The following VPS33B variants were observed in gnomAD, a reference collection of about 807,000 sequenced individuals.
VPS33B encodes vacuolar protein sorting-associated protein 33B.
In VPS33B, 80 loss-of-function variants were observed where a neutral mutation model predicts 95.3. The observed-to-expected ratio is 0.84, with a 90% CI of 0.70 to 1.01. The LOEUF (loss-of-function observed/expected upper bound fraction) is 1.01. Ranked by LOEUF, VPS33B falls within the 50% of genes least tolerant of loss-of-function variation. The pLI is 0.00. For synonymous variants in VPS33B, 280 were observed against 280.4 expected, an observed-to-expected ratio of 1.00 and a Z score of 0.01; for missense variants, 715 against 773.4, an observed-to-expected ratio of 0.92 and a Z score of 0.90.
chr15:90,999,016 T>C lies in VPS33B; in HGVS notation c.1813A>G (p.Ser605Gly), dbSNP rs936302406. 6.2e-7 allele frequency: 1 copy of C among 1,614,058 alleles called. No individual in the cohort carries two copies. The highest frequency in any genetic ancestry group is 8.5e-7 in the Non-Finnish European group (1 of 1,180,040). Residue 605 changes from serine to glycine, a missense_variant, in exon 23 of 23, where the codon AGC becomes GGC. Ser to Gly is a moderately conservative substitution (Grantham distance 56). Coordinates refer to ENST00000333371, the MANE Select transcript of VPS33B (RefSeq NM_018668.5). This position sits in a 1 kb window ranked among gnomAD's most constrained non-coding sequence, Gnocchi z 5.1. Reference sequence around the variant, plus strand: ...CTCATGGCCTCCATAAGGCGAGCGCTGTTTGTGACTGCTGTCGTCAGGAAA... The same window carrying C: ...CTCATGGCCTCCATAAGGCGAGCGCCGTTTGTGACTGCTGTCGTCAGGAAA... ...FIFLTTAVTNSARLMEAMSEV... is the reference protein window; with the variant it reads ...FIFLTTAVTNGARLMEAMSEV...
intron 1 of VPS33B, among the ~76,000 whole-genome samples, chr15:91,021,413 A>G (rs1596375007): frequency 6.6e-6 from 1 of 152,230 alleles, no homozygotes; most frequent in African/African-American, 2.4e-5. Context: ...TAACTTAAAA[A>G]TCCATCACTT....
rs1322186330 is a variant in VPS33B, at chr15:91,009,365, G to GAA, written c.403+435_403+436insTT. Among the ~76,000 whole-genome samples, 6 of 150,764 alleles carry GAA rather than the reference G, an allele frequency of 4.0e-5. No homozygotes were observed. Among genetic ancestry groups the GAA allele is most frequent in the African/African-American group, 1.5e-4 (6 of 40,908 alleles). On this transcript the variant is annotated intron_variant, in intron 6 of 22. Coordinates refer to ENST00000333371, the MANE Select transcript of VPS33B (RefSeq NM_018668.5). This position sits in a 1 kb window ranked among gnomAD's most constrained non-coding sequence, Gnocchi z 4.1. ...CTTGTTGCCCAGGCTGGAGTGCAATGGCGTGATCTCGGCTCACTGCAACCT... is the reference window on the plus strand; with the variant it reads ...CTTGTTGCCCAGGCTGGAGTGCAATGAAGCGTGATCTCGGCTCACTGCAACCT...
intron 3 of VPS33B, among the ~76,000 whole-genome samples, chr15:91,016,327 A>C (rs931080385): frequency 2.6e-5 from 4 of 152,042 alleles, no homozygotes; most frequent in Non-Finnish European, 5.9e-5. Context: ...TCTATGACAA[A>C]TAATGTGGAC....
In VPS33B at chr15:91,017,840, G is replaced by C; in HGVS notation, c.142C>G (p.Pro48Ala). ...GAGACATTGGCAATTCGATCCAAAG[G>C]GCTCATGAGATCTGCCTCAATGAAT... ...DLFIEADLMS[P>A]LDRIANVSIL... is the part of the protein sequence containing the mutation. Residue 48 changes from proline to alanine, a missense_variant, in exon 2 of 23, where the codon CCT becomes GCT. Coordinates refer to ENST00000333371, the MANE Select transcript of VPS33B (RefSeq NM_018668.5). The C allele has an allele frequency of 6.2e-7, 1 of 1,614,108 alleles. No homozygotes were observed.
At position 91,005,668 on chromosome 15, in the gene VPS33B, C is replaced by T. The variant is rs771997647; in HGVS notation, c.1030+26G>A. 1.2e-5 allele frequency: 19 copies of T among 1,613,710 alleles called. No homozygotes were observed. The highest frequency in any genetic ancestry group is 2.7e-5 in the African/African-American group (2 of 74,890). ...CCCCAGAGGGACACAGTCACTTCCC[C>T]TCACGCCCCTCAAGCTGAAACCTAC... On this transcript the variant is annotated intron_variant, in intron 13 of 22. Transcript: ENST00000333371. The surrounding 1 kb of genome is among the most constrained non-coding windows in gnomAD (Gnocchi z 6.4).
rs2041123931 is a variant in VPS33B, at chr15:91,022,189, G to C, written c.61C>G (p.Leu21Val). ...ELPDFSMLKR[L>V]ARDQLIYLLE... ...AGATAGATGAGCTGGTCTCGAGCCA[G>C]CCTCTTCAGCATGGAGAAGTCAGGC... The change falls in exon 1 of 23, where the codon CTG becomes GTG. Residue 21 changes from leucine (L) to valine (V), a missense_variant. Physicochemically the swap from Leu to Val is conservative, Grantham distance 32. Transcript: ENST00000333371. 2 of 1,582,184 alleles carry C rather than the reference G, an allele frequency of 1.3e-6. No homozygotes were observed. Among genetic ancestry groups the C allele is most frequent in the East Asian group, 2.3e-5 (1 of 43,400 alleles).
chr15:91,005,651 G>C lies in VPS33B; in HGVS notation c.1030+43C>G. 6.2e-7 allele frequency: 1 copy of C among 1,610,888 alleles called. No homozygotes were observed. Among genetic ancestry groups the C allele is most frequent in the Non-Finnish European group, 8.5e-7 (1 of 1,177,134 alleles). On this transcript the variant is annotated intron_variant, in intron 13 of 22. Coordinates refer to ENST00000333371, the MANE Select transcript of VPS33B (RefSeq NM_018668.5). The surrounding 1 kb of genome is among the most constrained non-coding windows in gnomAD (Gnocchi z 6.4). ...TGGTCCTCTGGAGCTTTCCCCAGAG[G>C]GACACAGTCACTTCCCCTCACGCCC...
chr15:91,017,365 T>TTAAAA lies in VPS33B; in HGVS notation c.178-342_178-341insTTTTA, dbSNP rs1555460460. Among the ~76,000 whole-genome samples, 15 of 16,996 alleles carry TTAAAA rather than the reference T, an allele frequency of 8.8e-4. 1 individual carries two copies. Among genetic ancestry groups the TTAAAA allele is most frequent in the East Asian group, 4.8e-3 (2 of 420 alleles). The allele number at this position is 16,996 out of a possible 152,430, so 11.2% of individuals were successfully genotyped here. On this transcript the variant is annotated intron_variant, in intron 2 of 22. Transcript: ENST00000333371. ...TAACAAGACTCCATCTCTACAAAAT[T>TTAAAA]AAATATATATATATATATATATATA...
intron 1 of VPS33B, 145 bp downstream of exon 1, chr15:91,022,009 C>T: frequency 2.2e-6 from 2 of 927,402 alleles, no homozygotes; most frequent in Non-Finnish European, 3.3e-6. Flanking sequence ...TTACTACTCC[C>T]TGGATTCATT....
Position 91,002,252 on chromosome 15 carries a change from G to A in VPS33B, c.1273-70C>T. 2.5e-6 allele frequency: 4 copies of A among 1,595,072 alleles called. No homozygotes were observed. In the South Asian group the frequency reaches 3.4e-5, roughly 13 times the overall value. On this transcript the variant is annotated intron_variant, in intron 17 of 22. Transcript: ENST00000333371. The surrounding 1 kb of genome is among the most constrained non-coding windows in gnomAD (Gnocchi z 4.7). ...ATCTAGTACTGTCAGGTACTACAGA[G>A]TTGAGCAGAAGGACTATGAAGCCTC... is the stretch of plus-strand genomic sequence containing the variant.
Position 91,007,559 on chromosome 15 carries a change from A to G in VPS33B, c.513T>C (p.Arg171=). The change falls in exon 8 of 23, where the codon CGT becomes CGC. Residue 171 remains arginine, a synonymous_variant. Transcript: ENST00000333371. The surrounding 1 kb of genome is among the most constrained non-coding windows in gnomAD (Gnocchi z 5.3). The stretch of plus-strand genomic sequence containing the variant: ...AGGCCTGAGCTACAGTGTTGATCCA[A>G]CGCTGATCTCCTTCCTGCAGGGACC... The part of the protein sequence containing the change: ...FRDYFLEGDQ[R]WINTVAQALH... The G allele has an allele frequency of 6.2e-7, 1 of 1,614,166 alleles. No individual in the cohort carries two copies. The highest frequency in any genetic ancestry group is 1.1e-5 in the South Asian group (1 of 91,082).
Position 91,007,788 on chromosome 15 carries a change from G to T in VPS33B, c.498+82C>A, listed in dbSNP as rs1271127922. On this transcript the variant is annotated intron_variant, in intron 7 of 22. Transcript: ENST00000333371. The surrounding 1 kb of genome is among the most constrained non-coding windows in gnomAD (Gnocchi z 5.3). Reference sequence around the variant, plus strand: ...GATAAATTACTTGCGTTGGACAAAGGTTATATTGGTATTTCTAGCCCTCTG... The same window carrying T: ...GATAAATTACTTGCGTTGGACAAAGTTTATATTGGTATTTCTAGCCCTCTG... The T allele has an allele frequency of 2.2e-6, 3 of 1,364,848 alleles. No individual in the cohort carries two copies. The highest frequency in any genetic ancestry group is 3.1e-6 in the Non-Finnish European group (3 of 955,146). The allele number at this position is 1,364,848 out of a possible 1,614,324, so 84.5% of individuals were successfully genotyped here.
In VPS33B at chr15:91,007,718, A is replaced by G; in HGVS notation, c.499-145T>C. Reference sequence around the variant, plus strand: ...TCATTGGCTCCACAGGAAGTCCCACAGAGACCAATCTGTAGCACTCAATCA... The same window carrying G: ...TCATTGGCTCCACAGGAAGTCCCACGGAGACCAATCTGTAGCACTCAATCA... On this transcript the variant is annotated intron_variant, in intron 7 of 22. Transcript: ENST00000333371. The surrounding 1 kb of genome is among the most constrained non-coding windows in gnomAD (Gnocchi z 5.3). 7 of 1,172,004 alleles carry G rather than the reference A, an allele frequency of 6.0e-6. No homozygotes were observed. Among genetic ancestry groups the G allele is most frequent in the Non-Finnish European group, 6.4e-6 (5 of 783,082 alleles). 72.6% of individuals were successfully genotyped at this position (1,172,004 alleles called of 1,614,324 possible). A position where few individuals can be genotyped will look rare whatever the true frequency, so the allele number is the denominator to read the frequency against.
At chr15:91,017,756 GA>G in intron 2 of VPS33B, 48 bp downstream of exon 2, 3 of 1,580,106 alleles carry the variant, frequency 1.9e-6, no homozygotes, top group Non-Finnish European at 2.6e-6. Context: ...TTCATCAAAA[GA>G]AAAACTGCTT....
rs545491834 is a variant in VPS33B at position 91,005,663 on chromosome 15, T to C, written c.1030+31A>G. On this transcript the variant is annotated intron_variant, in intron 13 of 22. Transcript: ENST00000333371. The surrounding 1 kb of genome is among the most constrained non-coding windows in gnomAD (Gnocchi z 6.4). Reference sequence around the variant, plus strand: ...GCTTTCCCCAGAGGGACACAGTCACTTCCCCTCACGCCCCTCAAGCTGAAA... The same window carrying C: ...GCTTTCCCCAGAGGGACACAGTCACCTCCCCTCACGCCCCTCAAGCTGAAA... 5.6e-5 allele frequency: 90 copies of C among 1,613,312 alleles called. No homozygotes were observed. In the South Asian group the frequency reaches 9.2e-4, roughly 17 times the overall value.
At position 91,015,961 on chromosome 15, in the gene VPS33B, C is replaced by G. The variant is rs1029861484; in HGVS notation, c.239+1002G>C. On this transcript the variant is annotated intron_variant, in intron 3 of 22. Coordinates refer to ENST00000333371, the MANE Select transcript of VPS33B (RefSeq NM_018668.5). This position sits in a 1 kb window ranked among gnomAD's most constrained non-coding sequence, Gnocchi z 4.7. ...ATTTTTTCTTCTAAGAAAGCATGTA[C>G]ATTAATTAAGTTTCAGAAATACTTT... Among the ~76,000 whole-genome samples the G allele has an allele frequency of 6.6e-6, 1 of 152,108 alleles. No homozygotes were observed. The highest frequency in any genetic ancestry group is 2.1e-4 in the South Asian group (1 of 4,814).
At chr15:91,003,706 A>G (rs6496748) in intron 16 of VPS33B, among the ~76,000 whole-genome samples, 90,091 of 152,022 alleles carry the variant, frequency 0.59, 30,568 homozygotes, top group East Asian at 0.99. Context: ...CCAAAGTGCT[A>G]GGATTACAGG....
intron 2 of VPS33B, among the ~76,000 whole-genome samples, chr15:91,017,375 T>TATATAC (rs2040966953): frequency 5.9e-5 from 1 of 16,916 alleles, no homozygotes; most frequent in Non-Finnish European, 9.3e-5. Context: ...TAAATATATA[T>TATATAC]ATATATATAT....
Position 91,009,714 on chromosome 15 carries a change from G to T in VPS33B, c.403+87C>A. ...CAGGAAAAGAAGGAGCTGGTGGTGG[G>T]GGTGGGGTGGGGGGGTTGGAGAACA... On this transcript the variant is annotated intron_variant, in intron 6 of 22. Transcript: ENST00000333371. The surrounding 1 kb of genome is among the most constrained non-coding windows in gnomAD (Gnocchi z 4.1). 7.2e-7 allele frequency: 1 copy of T among 1,386,696 alleles called. No individual in the cohort carries two copies. The allele number at this position is 1,386,696 out of a possible 1,614,324, so 85.9% of individuals were successfully genotyped here. A position where few individuals can be genotyped will look rare whatever the true frequency, so the allele number is the denominator to read the frequency against.
Sources: gnomAD v4.1 joint callset for allele counts (sites outside exome capture counted in the v4.1 genomes callset) on GRCh38, gnomAD v4.1.1 for gene constraint, Gnocchi (gnomAD v3.1) non-coding constraint, MANE v1.5 for transcripts, NCBI Gene and HGNC (gene_info 2026-07-23, HGNC 2026-07-21) for gene names.